The following TRPM1 variants were observed in gnomAD, a reference collection of about 807,000 sequenced individuals.
The protein encoded by TRPM1 is TRPM1-203 APA Isoform, Intron 10.
Under a neutral mutation model 149.4 loss-of-function variants are expected in TRPM1, and 113 were observed. The ratio of observed to expected loss-of-function variants is 0.76; its 90% CI spans 0.65 to 0.88. TRPM1 has a LOEUF of 0.88. Ranked by LOEUF, TRPM1 falls within the 40% of genes least tolerant of loss-of-function variation. TRPM1 has a pLI of 0.00. For missense variants in TRPM1, 1,976 were observed against 2,038.7 expected (o/e 0.97, Z 0.59); for synonymous variants, 741 against 759.5 (o/e 0.98, Z 0.40).
At chr15:31,113,831 G>A (rs1432085683) in intron 1 of TRPM1, among the ~76,000 whole-genome samples, 1 of 152,180 alleles carries the variant, frequency 6.6e-6, no homozygotes, top group African/African-American at 2.4e-5. Flanking sequence ...TTGTGAAGAT[G>A]TGAACAGCAA....
In TRPM1 at chr15:31,040,164, T is replaced by A. The variant is rs973206555; in HGVS notation, c.2270A>T (p.Asp757Val). Residue 757 changes from aspartate to valine, a missense_variant, in exon 18 of 28, where the codon GAT becomes GTT. This residue lies in a region of TRPM1 where 1,332 missense variants were observed against 1,347.1 expected (regional missense o/e 0.99). Transcript: ENST00000256552. This position sits in a 1 kb window ranked among gnomAD's most constrained non-coding sequence, Gnocchi z 4.2. ...AHTCSQMLLT[D>V]MWMGRLRMRK... ...CATCCGCAGTCTTCCCATCCACATA[T>A]CGGTCAGCAGCATCTGGCTGCAGGT... 1.9e-6 allele frequency: 3 copies of A among 1,614,092 alleles called. No homozygotes were observed. The highest frequency in any genetic ancestry group is 1.3e-5 in the African/African-American group (1 of 75,024).
At chr15:31,003,095 T>G (rs768998571) in intron 27 of TRPM1, 25 bp from the exon 28 acceptor site, 2 of 1,580,266 alleles carry the variant, frequency 1.3e-6, no homozygotes, top group South Asian at 2.3e-5. Context: ...GGGATAGATT[T>G]ATTAAACTGA....
chr15:31,057,352 A>G (rs1418903408), intron 11 of TRPM1, among the ~76,000 whole-genome samples: 1 of 152,198 alleles, frequency 6.6e-6, no homozygotes, highest in Non-Finnish European at 1.5e-5. Flanking sequence ...ACATGGACAC[A>G]TAGAGGGGAA....
At chr15:31,060,122 G>A (rs144086071) in intron 11 of TRPM1, 122 of 329,598 alleles carry the variant, frequency 3.7e-4, no homozygotes, top group African/African-American at 2.6e-3. Flanking sequence ...CACACATACA[G>A]ACACACACAT....
In TRPM1 at chr15:31,041,971, C is replaced by T. The variant is rs2140929991; in HGVS notation, c.2067G>A (p.Gln689=). Residue 689 remains glutamine (Q), a synonymous_variant, in exon 17 of 28, where the codon CAG becomes CAA. Transcript: ENST00000256552. ...SESDLVDDIS[Q]DLDNNSKDFG... ...CTAACTTGGAATTGTTATCCAAGTC[C>T]TGGGAGATGTCATCCACCAGATCAC... 4 of 1,614,156 alleles carry T rather than the reference C, an allele frequency of 2.5e-6. No individual in the cohort carries two copies. Among genetic ancestry groups the T allele is most frequent in the Non-Finnish European group, 3.4e-6 (4 of 1,180,036 alleles).
intron 3 of TRPM1, among the ~76,000 whole-genome samples, chr15:31,075,623 C>T (rs28428641): frequency 0.22 from 32,729 of 152,084 alleles, 3,887 homozygotes; most frequent in Admixed American, 0.31. Context: ...TGCTGAAATC[C>T]TGCTCCTCCC....
In TRPM1 at chr15:31,047,853, T is replaced by C. The variant is rs755118958; in HGVS notation, c.1623+36A>G. Reference sequence around the variant, plus strand: ...TCTTAAGAAATGATTTTGTGAAAGATGCCAACAGGTAAGAATTGTAAAACA... The same window carrying C: ...TCTTAAGAAATGATTTTGTGAAAGACGCCAACAGGTAAGAATTGTAAAACA... On this transcript the variant is annotated intron_variant, in intron 14 of 27. Coordinates refer to ENST00000256552, the MANE Select transcript of TRPM1 (RefSeq NM_001252024.2). 10 of 1,558,946 alleles carry C rather than the reference T, an allele frequency of 6.4e-6. No individual in the cohort carries two copies. The African/African-American group carries it at 1.4e-4, about 21-fold the overall frequency.
intron 11 of TRPM1, among the ~76,000 whole-genome samples, chr15:31,052,858 A>G (rs1045444269): frequency 6.6e-6 from 1 of 152,232 alleles, no homozygotes; most frequent in South Asian, 2.1e-4. Context: ...TGGGAATTCA[A>G]TTCTTGAATA....
At chr15:31,039,900 G>A (rs1031734288) in intron 18 of TRPM1, among the ~76,000 whole-genome samples, 1 of 152,116 alleles carries the variant, frequency 6.6e-6, no homozygotes, top group Non-Finnish European at 1.5e-5. Context: ...CCTGAGTGTA[G>A]GTTCTGATCC....
chr15:31,158,428 C>T (rs1196957456), intron 1 of TRPM1, among the ~76,000 whole-genome samples: 1 of 151,958 alleles, frequency 6.6e-6, no homozygotes, highest in South Asian at 2.1e-4. Flanking sequence ...GAGATTGAGA[C>T]CATCCTGGCT....
chr15:31,144,796 A>C (rs955598207), intron 1 of TRPM1, among the ~76,000 whole-genome samples: 1 of 150,010 alleles, frequency 6.7e-6, no homozygotes, highest in Non-Finnish European at 1.5e-5. Flanking sequence ...GCTCACTGCA[A>C]CCTCCGCCTC....
At chr15:31,146,798 C>T (rs1032161371) in intron 1 of TRPM1, among the ~76,000 whole-genome samples, 1 of 152,096 alleles carries the variant, frequency 6.6e-6, no homozygotes, top group African/African-American at 2.4e-5. Flanking sequence ...ACCAGCCTGA[C>T]CAACATGCAG....
At chr15:31,064,980 C>T (rs1200205248) in intron 7 of TRPM1, 59 of 489,182 alleles carry the variant, frequency 1.2e-4, no homozygotes, top group Admixed American at 1.1e-3. Flanking sequence ...ACCTTCTTTT[C>T]GAGCAACAGA....
chr15:31,144,908 G>T (rs1378226318), intron 1 of TRPM1, among the ~76,000 whole-genome samples: 2 of 151,814 alleles, frequency 1.3e-5, no homozygotes, highest in Admixed American at 1.3e-4. Flanking sequence ...GAGAGATGGG[G>T]TTTCTTCATG....
At position 31,040,367 on chromosome 15, in the gene TRPM1, C is replaced by A; in HGVS notation, c.2088-21G>T. The A allele has an allele frequency of 1.9e-6, 3 of 1,608,494 alleles. No individual in the cohort carries two copies. The highest frequency in any genetic ancestry group is 2.2e-5 in the East Asian group (1 of 44,834). On this transcript the variant is annotated intron_variant, in intron 17 of 27. Transcript: ENST00000256552. The surrounding 1 kb of genome is among the most constrained non-coding windows in gnomAD (Gnocchi z 4.2). ...AGTCTCTGGGGGGAAAGAGAAGGGA[C>A]CAGGGTGAAGCCACAGTGGCCGCAA...
At chr15:31,091,451 T>G (rs2035237897) in intron 1 of TRPM1, among the ~76,000 whole-genome samples, 1 of 152,196 alleles carries the variant, frequency 6.6e-6, no homozygotes, top group Non-Finnish European at 1.5e-5. Context: ...GCACCACCTG[T>G]TTAGCAGGTT....
chr15:31,073,845 A>G (rs2034622020), intron 3 of TRPM1, among the ~76,000 whole-genome samples: 1 of 152,016 alleles, frequency 6.6e-6, no homozygotes, highest in Admixed American at 6.6e-5. Flanking sequence ...GATTCTTTAT[A>G]GCTGTTCTTT....
chr15:31,015,567 C>G (rs978543329), intron 27 of TRPM1, among the ~76,000 whole-genome samples: 1 of 152,130 alleles, frequency 6.6e-6, no homozygotes, highest in Non-Finnish European at 1.5e-5. Context: ...AACACAAGCA[C>G]GTCAATCTTT....
chr15:31,003,916 GGCCTAAAATCCACT>G (rs1308638828), intron 27 of TRPM1, among the ~76,000 whole-genome samples: 2 of 151,346 alleles, frequency 1.3e-5, no homozygotes, highest in Non-Finnish European at 2.9e-5. Flanking sequence ...AATGTTGCCT[GGCCTAAAATCCACT>G]GGTACAGACT....
Sources: allele counts gnomAD v4.1 joint callset (sites outside exome capture counted in the v4.1 genomes callset), GRCh38; gene constraint gnomAD v4.1.1; regional missense constraint gnomAD v4.1.1; non-coding constraint Gnocchi (gnomAD v3.1); transcripts MANE v1.5; gene names NCBI Gene and HGNC (gene_info 2026-07-23, HGNC 2026-07-21).